Variants in GRK5 observed in about 807,000 individuals in gnomAD.
The protein encoded by GRK5 is G protein-coupled receptor kinase 5.
GRK5 carries 40 observed loss-of-function variants against 78.4 expected under a neutral mutation model. The ratio of observed to expected loss-of-function variants is 0.51; its 90% CI spans 0.40 to 0.66. The LOEUF (loss-of-function observed/expected upper bound fraction) is 0.66. GRK5 is among the 30% of genes least tolerant of loss of function. The pLI, the probability that GRK5 is intolerant of heterozygous loss-of-function variation, is 0.00. For missense variants in GRK5, 598 were observed against 759.9 expected, an observed-to-expected ratio of 0.79 and a Z score of 2.50; for synonymous variants, 289 against 296.8, an observed-to-expected ratio of 0.97 and a Z score of 0.27.
chr10:119,284,771 C>T (rs1849818603), intron 1 of GRK5, among the ~76,000 whole-genome samples: 1 of 152,202 alleles, frequency 6.6e-6, no homozygotes, highest in African/African-American at 2.4e-5. Flanking sequence ...GTGTACTGGG[C>T]TGCCAGTGAC....
At chr10:119,246,641 G>T (rs1183618222) in intron 1 of GRK5, among the ~76,000 whole-genome samples, 2 of 152,232 alleles carry the variant, frequency 1.3e-5, no homozygotes, top group Non-Finnish European at 2.9e-5. Context: ...CATTCAAGAA[G>T]TGGTGTCTGG....
rs1348304424 is a variant in GRK5 at position 119,394,462 on chromosome 10, CGTGTGTGGAT to C, written c.262-2224_262-2215del. Among the ~76,000 whole-genome samples the C allele has an allele frequency of 1.4e-4, 5 of 36,468 alleles. 1 individual carries two copies. The East Asian group carries it at 6.3e-3, about 46-fold the overall frequency. 23.9% of individuals were successfully genotyped at this position (36,468 alleles called of 152,430 possible). ...GGTGTGTGTATCTGCTTAGTGGGCA[CGTGTGTGGAT>C]GTGTGTGGGTGTGTGTATCTGCGTG... On this transcript the variant is annotated intron_variant, in intron 3 of 15. Coordinates refer to ENST00000392870, the MANE Select transcript of GRK5 (RefSeq NM_005308.3).
At chr10:119,209,183 TG>T (rs971226462) in intron 1 of GRK5, among the ~76,000 whole-genome samples, 1 of 152,114 alleles carries the variant, frequency 6.6e-6, no homozygotes, top group Non-Finnish European at 1.5e-5. Context: ...TCCATCACCT[TG>T]TGGCTCCCTA....
At chr10:119,394,278 G>GTATCTA (rs1589783550) in intron 3 of GRK5, among the ~76,000 whole-genome samples, 26 of 61,330 alleles carry the variant, frequency 4.2e-4, no homozygotes, top group South Asian at 1.1e-3. Context: ...GTGTGGGCGT[G>GTATCTA]TGTGTGGGTG....
chr10:119,425,928 G>T (rs1353790738), intron 6 of GRK5, among the ~76,000 whole-genome samples: 2 of 152,250 alleles, frequency 1.3e-5, no homozygotes, highest in African/African-American at 4.8e-5. Flanking sequence ...CCGGCCCTGA[G>T]CCCCCAGCGC....
intron 1 of GRK5, among the ~76,000 whole-genome samples, chr10:119,209,552 G>C (rs951332968): frequency 6.8e-5 from 10 of 147,024 alleles, no homozygotes; most frequent in African/African-American, 2.5e-4. Context: ...ATCTAGGTGG[G>C]TGCTGGTAGG....
At chr10:119,399,877 C>G (rs1852120479) in intron 4 of GRK5, among the ~76,000 whole-genome samples, 1 of 152,208 alleles carries the variant, frequency 6.6e-6, no homozygotes, top group African/African-American at 2.4e-5. Context: ...GGACTGTGGC[C>G]ACACCATTTC....
intron 2 of GRK5, among the ~76,000 whole-genome samples, chr10:119,340,432 A>T (rs1482244338): frequency 6.6e-6 from 1 of 152,210 alleles, no homozygotes; most frequent in Non-Finnish European, 1.5e-5. Context: ...CCAGCCCCAA[A>T]ACTTACTTTT....
At chr10:119,393,720 C>T (rs997242807) in intron 3 of GRK5, among the ~76,000 whole-genome samples, 12 of 152,214 alleles carry the variant, frequency 7.9e-5, no homozygotes, top group African/African-American at 2.4e-4. Context: ...GCTGCCCCGT[C>T]GCTTGCTAGC....
chr10:119,285,157 C>G (rs1349229112), intron 1 of GRK5, among the ~76,000 whole-genome samples: 1 of 152,192 alleles, frequency 6.6e-6, no homozygotes, highest in African/African-American at 2.4e-5. Context: ...TTCACGTTGG[C>G]TGGCATCTCT....
At chr10:119,211,340 A>G (rs1473339283) in intron 1 of GRK5, 1 of 152,258 alleles carries the variant, frequency 6.6e-6, no homozygotes, top group East Asian at 1.9e-4. Flanking sequence ...CTATTTATTT[A>G]CATTTCAGAA....
chr10:119,430,238 T>C lies in GRK5; in HGVS notation c.534-137T>C, dbSNP rs1852787965. On this transcript the variant is annotated intron_variant, in intron 6 of 15. Coordinates refer to ENST00000392870, the MANE Select transcript of GRK5 (RefSeq NM_005308.3). This position sits in a 1 kb window ranked among gnomAD's most constrained non-coding sequence, Gnocchi z 4.5. Reference sequence around the variant, plus strand: ...TCGAAGGTCCAGTCTCCAGCGATGATTCCTGGGGGGTCCCTGGGGCTGCTG... The same window carrying C: ...TCGAAGGTCCAGTCTCCAGCGATGACTCCTGGGGGGTCCCTGGGGCTGCTG... 1 of 755,140 alleles carries C rather than the reference T, an allele frequency of 1.3e-6. No individual in the cohort carries two copies. The highest frequency in any genetic ancestry group is 1.8e-5 in the African/African-American group (1 of 56,926). 46.8% of individuals were successfully genotyped at this position (755,140 alleles called of 1,614,324 possible).
chr10:119,302,738 C>T (rs957954545), intron 1 of GRK5, among the ~76,000 whole-genome samples: 2 of 152,126 alleles, frequency 1.3e-5, no homozygotes, highest in Admixed American at 1.3e-4. Context: ...TGATCAGAGG[C>T]TGCAGAGCCT....
chr10:119,413,937 C>T (rs887034297), intron 4 of GRK5, among the ~76,000 whole-genome samples: 1 of 152,322 alleles, frequency 6.6e-6, no homozygotes, highest in South Asian at 2.1e-4. Flanking sequence ...ACGCAGATCC[C>T]CTCGAGGAGG....
chr10:119,403,182 T>C (rs1852178803), intron 4 of GRK5, among the ~76,000 whole-genome samples: 1 of 152,232 alleles, frequency 6.6e-6, no homozygotes, highest in African/African-American at 2.4e-5. Context: ...TTCTTTTTTT[T>C]TTGAGACGGA....
chr10:119,298,121 C>A (rs564296025), intron 1 of GRK5, among the ~76,000 whole-genome samples: 1 of 152,304 alleles, frequency 6.6e-6, no homozygotes, highest in Non-Finnish European at 1.5e-5. Context: ...GCACTTACTG[C>A]ATGCATGTGC....
intron 1 of GRK5, among the ~76,000 whole-genome samples, chr10:119,281,850 A>G (rs1218913064): frequency 6.6e-6 from 1 of 152,162 alleles, no homozygotes; most frequent in Non-Finnish European, 1.5e-5. Flanking sequence ...AGCTTTGTAG[A>G]TGGATTCGGT....
intron 2 of GRK5, among the ~76,000 whole-genome samples, chr10:119,361,713 G>A (rs927110164): frequency 2.0e-5 from 3 of 152,072 alleles, no homozygotes; most frequent in Non-Finnish European, 4.4e-5. Flanking sequence ...GTAATCCCAG[G>A]ACTTTGGGAG....
At chr10:119,446,477 G>A (rs1359669122) in intron 12 of GRK5, among the ~76,000 whole-genome samples, 1 of 17,528 alleles carries the variant, frequency 5.7e-5, no homozygotes, top group Non-Finnish European at 1.3e-4. Flanking sequence ...CCCACCCCTC[G>A]CCTTTCTCAT....
Sources: gnomAD v4.1 joint callset for allele counts (sites outside exome capture counted in the v4.1 genomes callset) on GRCh38, gnomAD v4.1.1 for gene constraint, Gnocchi (gnomAD v3.1) non-coding constraint, MANE v1.5 for transcripts, NCBI Gene and HGNC (gene_info 2026-07-23, HGNC 2026-07-21) for gene names.